GARIN2: variants seen among roughly 807,000 people sequenced by gnomAD.
GARIN2 encodes the protein golgi associated RAB2 interactor family member 2, also known as Golgi-associated RAB2 interactor protein 2.
chr14:67,190,548 C>G, the GARIN2 span, among the ~76,000 whole-genome samples: 2 of 152,170 alleles, frequency 1.3e-5, no homozygotes, highest in Middle Eastern at 3.2e-3. Context: ...ATTTTTCAGA[C>G]TGTTATCCCA....
the GARIN2 span, among the ~76,000 whole-genome samples, chr14:67,222,714 T>C: frequency 6.6e-6 from 1 of 152,202 alleles, no homozygotes; most frequent in Non-Finnish European, 1.5e-5. Context: ...GGTTGTCTTA[T>C]AGGCAAATCT....
the GARIN2 span, among the ~76,000 whole-genome samples, chr14:67,195,171 A>G: frequency 6.6e-6 from 1 of 152,254 alleles, no homozygotes; most frequent in Admixed American, 6.5e-5. Context: ...ATTATTTAGA[A>G]CATCACAGCA....
the GARIN2 span, chr14:67,203,173 C>G: frequency 7.1e-5 from 114 of 1,613,884 alleles, no homozygotes; most frequent in Non-Finnish European, 8.7e-5. Context: ...TCCAGCTCCA[C>G]CCACAAGATC....
chr14:67,190,068 ATT>A, the GARIN2 span, among the ~76,000 whole-genome samples: 781 of 115,420 alleles, frequency 6.8e-3, 10 homozygotes, highest in African/African-American at 0.023. Context: ...TGCCCAGCTA[ATT>A]TTTTTTTTTT....
At chr14:67,226,472 T>A in the GARIN2 span, among the ~76,000 whole-genome samples, 1 of 152,244 alleles carries the variant, frequency 6.6e-6, no homozygotes. Flanking sequence ...GAGATTCTCC[T>A]GCTTCAGCCT....
At chr14:67,204,505 T>C in the GARIN2 span, 1 of 1,590,754 alleles carries the variant, frequency 6.3e-7, no homozygotes, top group Non-Finnish European at 8.6e-7. Flanking sequence ...CCATCAGGTC[T>C]CCAGATGATG....
the GARIN2 span, among the ~76,000 whole-genome samples, chr14:67,216,628 T>G: frequency 1.2e-4 from 18 of 152,200 alleles, no homozygotes; most frequent in Admixed American, 1.1e-3. Context: ...CAGTAAATTT[T>G]TAAATAGCAT....
the GARIN2 span, among the ~76,000 whole-genome samples, chr14:67,193,954 C>CAAAAAAAAAACAAAA: frequency 0.011 from 906 of 85,668 alleles, 25 homozygotes; most frequent in African/African-American, 0.033. Flanking sequence ...CAAAAAAAAA[C>CAAAAAAAAAACAAAA]AAAAAAAAAA....
chr14:67,195,727 G>A, the GARIN2 span, among the ~76,000 whole-genome samples: 4,425 of 151,242 alleles, frequency 0.029, 76 homozygotes, highest in Non-Finnish European at 0.035. Flanking sequence ...GTGTGTGTGT[G>A]TGTGTGTGTG....
chr14:67,195,768 G>C, the GARIN2 span, among the ~76,000 whole-genome samples: 2 of 151,070 alleles, frequency 1.3e-5, no homozygotes, highest in African/African-American at 4.9e-5. Context: ...TTTTGAGACA[G>C]AGTCTTGCTC....
chr14:67,219,245 G>A, the GARIN2 span, among the ~76,000 whole-genome samples: 1 of 152,208 alleles, frequency 6.6e-6, no homozygotes, highest in Non-Finnish European at 1.5e-5. Context: ...GTTTTTGGTA[G>A]CAATGGGGGC....
At chr14:67,207,296 G>T in the GARIN2 span, among the ~76,000 whole-genome samples, 1 of 152,094 alleles carries the variant, frequency 6.6e-6, no homozygotes, top group African/African-American at 2.4e-5. Flanking sequence ...CAATCGTGTG[G>T]AAGAGAAGGG....
At chr14:67,223,256 TC>T in the GARIN2 span, among the ~76,000 whole-genome samples, 1 of 152,322 alleles carries the variant, frequency 6.6e-6, no homozygotes, top group Admixed American at 6.5e-5. Flanking sequence ...TGCCTTGGCC[TC>T]CCAAAGTGCT....
the GARIN2 span, among the ~76,000 whole-genome samples, chr14:67,212,432 A>G: frequency 6.6e-6 from 1 of 151,550 alleles, no homozygotes; most frequent in African/African-American, 2.4e-5. Flanking sequence ...TACAAAAAAA[A>G]TACAAAAATT....
At chr14:67,208,896 CAAAAAAAAAAAAAGAA>C in the GARIN2 span, among the ~76,000 whole-genome samples, 3 of 65,700 alleles carry the variant, frequency 4.6e-5, no homozygotes, top group Non-Finnish European at 9.2e-5. Context: ...AACTCTGTCT[CAAAAAAAAAAAAAGAA>C]AAGAAAAAAA....
chr14:67,223,207 C>T, the GARIN2 span, among the ~76,000 whole-genome samples: 1 of 152,104 alleles, frequency 6.6e-6, no homozygotes, highest in African/African-American at 2.4e-5. Context: ...ACCATGTTGG[C>T]CAGGCTGGTC....
the GARIN2 span, among the ~76,000 whole-genome samples, chr14:67,226,386 G>A: frequency 5.3e-5 from 8 of 150,108 alleles, no homozygotes; most frequent in Non-Finnish European, 4.4e-5. Context: ...TTTTGAGACG[G>A]AGTCTCGCTC....
the GARIN2 span, among the ~76,000 whole-genome samples, chr14:67,210,566 A>T: frequency 6.6e-6 from 1 of 152,204 alleles, no homozygotes; most frequent in African/African-American, 2.4e-5. Context: ...CAGTTTGGGC[A>T]TAGTTGATGA....
the GARIN2 span, among the ~76,000 whole-genome samples, chr14:67,191,789 A>C: frequency 8.5e-5 from 13 of 152,174 alleles, no homozygotes; most frequent in African/African-American, 2.9e-4. Flanking sequence ...TGGTTTTCCT[A>C]CAGAAGAACT....
Sources: gnomAD v4.1 joint callset for allele counts (sites outside exome capture counted in the v4.1 genomes callset) on GRCh38, gnomAD v4.1.1 for gene constraint, MANE v1.5 for transcripts, NCBI Gene and HGNC (gene_info 2026-07-23, HGNC 2026-07-21) for gene names.